Variants in BCAT2 observed in about 807,000 individuals in gnomAD.
BCAT2 encodes branched chain amino acid transaminase 2, also known as branched-chain-amino-acid aminotransferase, mitochondrial.
A neutral mutation model predicts 52.9 loss-of-function variants in BCAT2; 44 were observed. That is an observed-to-expected ratio of 0.83 (90% CI 0.65 to 1.07). The LOEUF (loss-of-function observed/expected upper bound fraction) is 1.07. Ranked by LOEUF, BCAT2 falls within the 50% of genes least tolerant of loss-of-function variation. The pLI is 0.00. For synonymous variants in BCAT2, 215 were observed against 217.1 expected (o/e 0.99, Z 0.08); for missense variants, 478 against 521.8 (o/e 0.92, Z 0.82).
At position 48,800,234 on chromosome 19, in the gene BCAT2, G is replaced by A; in HGVS notation, c.364C>T (p.Leu122Phe). The change falls in exon 4 of 11, where the codon CTC becomes TTC. Residue 122 changes from leucine (L) to phenylalanine (F), a missense_variant. Coordinates refer to ENST00000316273, the MANE Select transcript of BCAT2 (RefSeq NM_001190.4). ...GAGCGCAGCATCCGGTCCATGTTGAGCCAGGGGCGGAAGAGGCGCACCTGC... is the reference window on the plus strand; with the variant it reads ...GAGCGCAGCATCCGGTCCATGTTGAACCAGGGGCGGAAGAGGCGCACCTGC... The part of the protein sequence containing the change: ...DQQVRLFRPW[L>F]NMDRMLRSAM... The A allele has an allele frequency of 1.2e-6, 2 of 1,613,882 alleles. No homozygotes were observed.
At chr19:48,805,773 C>A (rs1283539786) in intron 3 of BCAT2, among the ~76,000 whole-genome samples, 1 of 120,176 alleles carries the variant, frequency 8.3e-6, no homozygotes, top group Non-Finnish European at 1.8e-5. Flanking sequence ...CCATCCCTCC[C>A]CCGGCTGTCC....
At position 48,807,615 on chromosome 19, in the gene BCAT2, T is replaced by C; in HGVS notation, c.25-541A>G. ...ACCCTGGAGTCCAGGCCTCAGACCC[T>C]CCTCCCTTACATCCAGGAGTACAGG... On this transcript the variant is annotated intron_variant, in intron 1 of 10. Coordinates refer to ENST00000316273, the MANE Select transcript of BCAT2 (RefSeq NM_001190.4). This position sits in a 1 kb window ranked among gnomAD's most constrained non-coding sequence, Gnocchi z 4.6. The C allele has an allele frequency of 1.4e-6, 1 of 729,402 alleles. No individual in the cohort carries two copies. The highest frequency in any genetic ancestry group is 1.7e-6 in the Non-Finnish European group (1 of 596,586). 45.2% of individuals were successfully genotyped at this position (729,402 alleles called of 1,614,324 possible).
At position 48,800,036 on chromosome 19, in the gene BCAT2, A is replaced by C; in HGVS notation, c.476T>G (p.Val159Gly). Residue 159 changes from valine (V) to glycine (G), a missense_variant, in exon 5 of 11, where the codon GTC becomes GGC. Val to Gly is a moderately radical substitution (Grantham distance 109). Transcript: ENST00000316273. ...RRLIEVDKDWVPDAAGTSLYV... is the reference protein window; with the variant it reads ...RRLIEVDKDWGPDAAGTSLYV... Reference sequence around the variant, plus strand: ...GAGGCTGGTGCCGGCGGCATCGGGGACCCAGTCCTTGTCCACTTCGATGAG... The same window carrying C: ...GAGGCTGGTGCCGGCGGCATCGGGGCCCCAGTCCTTGTCCACTTCGATGAG... 6.2e-7 allele frequency: 1 copy of C among 1,613,792 alleles called. No homozygotes were observed. The highest frequency in any genetic ancestry group is 8.5e-7 in the Non-Finnish European group (1 of 1,179,912).
intron 4 of BCAT2, 42 bp from the exon 5 acceptor site, chr19:48,800,142 C>G (rs752942897): frequency 1.9e-6 from 3 of 1,612,556 alleles, no homozygotes; most frequent in Admixed American, 3.3e-5. Context: ...CTTGCTGCCC[C>G]GGCCCCAGCC....
At chr19:48,796,045 CCCA>C (rs1359165890) in intron 10 of BCAT2, 1 of 402,878 alleles carries the variant, frequency 2.5e-6, no homozygotes, top group East Asian at 4.0e-5. Flanking sequence ...GGGCCTTTCT[CCCA>C]CCAGGGCACC....
chr19:48,805,804 C>T (rs1478752305), intron 3 of BCAT2, among the ~76,000 whole-genome samples: 1 of 99,770 alleles, frequency 1.0e-5, no homozygotes, highest in Admixed American at 9.7e-5. Flanking sequence ...ATCCCTCCCC[C>T]GGCTGTCCGT....
chr19:48,796,149 G>A, intron 10 of BCAT2: 1 of 521,744 alleles, frequency 1.9e-6, no homozygotes, highest in Admixed American at 3.6e-5. Context: ...TCTCCTACCA[G>A]GGCACCCAGG....
rs773005638 is a variant in BCAT2 at position 48,796,649 on chromosome 19, C to T, written c.994G>A (p.Val332Met). The change falls in exon 9 of 11, where the codon GTG becomes ATG. Residue 332 changes from valine to methionine, a missense_variant. By Grantham distance (21) the Val-to-Met change is conservative (BLOSUM62 1). Coordinates refer to ENST00000316273, the MANE Select transcript of BCAT2 (RefSeq NM_001190.4). Reference sequence around the variant, plus strand: ...GTGCCCGAGCCAAAGACTTCCCGCACGCGGCCCTCCTCCAGGGCCCGCAGC... The same window carrying T: ...GTGCCCGAGCCAAAGACTTCCCGCATGCGGCCCTCCTCCAGGGCCCGCAGC... Reference protein sequence around the residue: ...QLLRALEEGRVREVFGSGTAC... With the variant: ...QLLRALEEGRMREVFGSGTAC... 10 of 1,613,570 alleles carry T rather than the reference C, an allele frequency of 6.2e-6. No individual in the cohort carries two copies. Among genetic ancestry groups the T allele is most frequent in the Middle Eastern group, 3.3e-4 (2 of 6,084 alleles).
chr19:48,803,559 T>G (rs1354791119), intron 3 of BCAT2, among the ~76,000 whole-genome samples: 2 of 151,382 alleles, frequency 1.3e-5, no homozygotes, highest in South Asian at 4.2e-4. Flanking sequence ...ACAACAAAAA[T>G]GCAGGTGGCC....
intron 3 of BCAT2, among the ~76,000 whole-genome samples, chr19:48,803,907 C>T (rs1008795915): frequency 6.6e-6 from 1 of 152,248 alleles, no homozygotes; most frequent in South Asian, 2.1e-4. Context: ...CGCCAGTAAT[C>T]CCAGCCCTTT....
intron 10 of BCAT2, chr19:48,796,220 G>C (rs2122645088): frequency 1.6e-6 from 1 of 624,246 alleles, no homozygotes; most frequent in South Asian, 2.1e-5. Context: ...GGCTCCGGGA[G>C]CTCCCAGGAA....
At position 48,796,952 on chromosome 19, in the gene BCAT2, G is replaced by A. The variant is rs771975673; in HGVS notation, c.909C>T (p.Asp303=). The part of the protein sequence containing the change: ...LPGVVRQSLL[D]MAQTWGEFRV... ...ATGTCCTCACCCAGGTCTGAGCCAT[G>A]TCCAGTAGACTCTGTCTGACCACTC... is the stretch of plus-strand genomic sequence containing the variant. Residue 303 remains aspartate (D), a synonymous_variant, in exon 8 of 11, where the codon GAC becomes GAT. Transcript: ENST00000316273. 9 of 1,614,182 alleles carry A rather than the reference G, an allele frequency of 5.6e-6. No homozygotes were observed. In the South Asian group the frequency reaches 7.7e-5, roughly 14 times the overall value.
intron 2 of BCAT2, 31 bp from the exon 3 acceptor site, chr19:48,806,748 G>A (rs2034793214): frequency 1.2e-6 from 2 of 1,607,900 alleles, no homozygotes; most frequent in East Asian, 2.2e-5. Flanking sequence ...CCTAGAATCT[G>A]GCCACAACCT....
In BCAT2 at chr19:48,799,409, G is replaced by T; in HGVS notation, c.695+266C>A. On this transcript the variant is annotated intron_variant, in intron 6 of 10. Transcript: ENST00000316273. This position sits in a 1 kb window ranked among gnomAD's most constrained non-coding sequence, Gnocchi z 5.5. ...AAGCTTCACTCCTGGAGGCTTCCAG[G>T]GACCAGTCCTGGTTTCCCCACTGAC... is the stretch of plus-strand genomic sequence containing the variant. 2.3e-6 allele frequency: 1 copy of T among 428,440 alleles called. No homozygotes were observed. The highest frequency in any genetic ancestry group is 4.0e-6 in the Non-Finnish European group (1 of 247,116). 26.5% of individuals were successfully genotyped at this position (428,440 alleles called of 1,614,324 possible).
chr19:48,801,073 C>T (rs1352335534), intron 3 of BCAT2, among the ~76,000 whole-genome samples: 15 of 151,984 alleles, frequency 9.9e-5, no homozygotes, highest in Non-Finnish European at 1.9e-4. Flanking sequence ...TTGCAACCTC[C>T]GCCTCCCAGG....
intron 3 of BCAT2, among the ~76,000 whole-genome samples, chr19:48,801,257 G>A (rs2034652000): frequency 1.3e-5 from 2 of 151,088 alleles, no homozygotes; most frequent in Non-Finnish European, 2.9e-5. Context: ...TTTTCCCATA[G>A]TGGGTTTTTG....
At chr19:48,806,298 G>A (rs1169175049) in intron 3 of BCAT2, among the ~76,000 whole-genome samples, 4 of 151,282 alleles carry the variant, frequency 2.6e-5, no homozygotes, top group Admixed American at 1.3e-4. Flanking sequence ...CCCACAGCAT[G>A]GGGTTTTCCA....
chr19:48,798,258 T>C (rs1226469856), intron 6 of BCAT2, among the ~76,000 whole-genome samples: 1 of 152,156 alleles, frequency 6.6e-6, no homozygotes, highest in African/African-American at 2.4e-5. Context: ...ACCTCCAGGC[T>C]GGGTGCTGGA....
intron 1 of BCAT2, chr19:48,808,318 T>G: frequency 2.2e-6 from 2 of 915,334 alleles, no homozygotes; most frequent in Non-Finnish European, 2.6e-6. Context: ...AGAGCTGCCC[T>G]CAGAGCCAAG....
Sources: gnomAD v4.1 joint callset for allele counts (sites outside exome capture counted in the v4.1 genomes callset) on GRCh38, gnomAD v4.1.1 for gene constraint, Gnocchi (gnomAD v3.1) non-coding constraint, MANE v1.5 for transcripts, NCBI Gene and HGNC (gene_info 2026-07-23, HGNC 2026-07-21) for gene names.